Variants in CACNA2D1 observed in about 807,000 individuals in gnomAD.
The protein encoded by CACNA2D1 is voltage-dependent calcium channel subunit alpha-2/delta-1.
Under a neutral mutation model 171.5 loss-of-function variants are expected in CACNA2D1, and 53 were observed. The ratio of observed to expected loss-of-function variants is 0.31; its 90% CI spans 0.25 to 0.39. CACNA2D1 has a LOEUF of 0.39. Among genes scored for constraint, CACNA2D1 ranks in the 10% least tolerant of loss-of-function variants. The pLI, the probability that CACNA2D1 is intolerant of heterozygous loss-of-function variation, is 1.00. For missense variants in CACNA2D1, 903 were observed against 1,299.8 expected (o/e 0.69, Z 4.69); for synonymous variants, 442 against 443.1 (o/e 1.00, Z 0.03).
intron 4 of CACNA2D1, among the ~76,000 whole-genome samples, chr7:82,152,662 TA>T (rs1793983488): frequency 6.6e-6 from 1 of 151,972 alleles, no homozygotes; most frequent in Non-Finnish European, 1.5e-5. Context: ...GCTACATCAC[TA>T]AACACTAGCT....
chr7:82,434,159 T>C (rs901453565), intron 1 of CACNA2D1, among the ~76,000 whole-genome samples: 16 of 152,228 alleles, frequency 1.1e-4, no homozygotes, highest in African/African-American at 3.6e-4. Context: ...GAGATTATCA[T>C]GATAGCAGTC....
chr7:82,275,659 A>C (rs1026474216), intron 3 of CACNA2D1, among the ~76,000 whole-genome samples: 2 of 152,058 alleles, frequency 1.3e-5, no homozygotes, highest in Non-Finnish European at 1.5e-5. Context: ...CACAAGCAAC[A>C]CTTCATCCTG....
At chr7:82,154,779 C>G (rs1794209749) in intron 4 of CACNA2D1, among the ~76,000 whole-genome samples, 1 of 152,068 alleles carries the variant, frequency 6.6e-6, no homozygotes, top group Non-Finnish European at 1.5e-5. Flanking sequence ...TTTGTAGAGT[C>G]ATTTCTAGTA....
At chr7:82,400,564 T>C (rs1369078433) in intron 1 of CACNA2D1, among the ~76,000 whole-genome samples, 3 of 151,694 alleles carry the variant, frequency 2.0e-5, no homozygotes, top group Non-Finnish European at 4.4e-5. Flanking sequence ...TCAAGATGGA[T>C]TAAAGACTTA....
chr7:82,234,399 A>G (rs370130546), intron 3 of CACNA2D1, among the ~76,000 whole-genome samples: 3 of 152,132 alleles, frequency 2.0e-5, no homozygotes, highest in South Asian at 4.1e-4. Context: ...AAAATGTCAC[A>G]GAGGGTAGGG....
intron 16 of CACNA2D1, among the ~76,000 whole-genome samples, chr7:82,006,690 T>C (rs1799154791): frequency 6.6e-6 from 1 of 152,092 alleles, no homozygotes; most frequent in Non-Finnish European, 1.5e-5. Context: ...AGCAATCTCT[T>C]AGTTCACAGT....
intron 1 of CACNA2D1, among the ~76,000 whole-genome samples, chr7:82,419,908 G>C (rs1441980419): frequency 6.6e-6 from 1 of 152,144 alleles, no homozygotes; most frequent in East Asian, 1.9e-4. Context: ...ATGATATCTG[G>C]TGACATTTTT....
intron 4 of CACNA2D1, among the ~76,000 whole-genome samples, chr7:82,163,470 T>C (rs1264345168): frequency 6.6e-6 from 1 of 151,890 alleles, no homozygotes; most frequent in Admixed American, 6.6e-5. Context: ...GAGAAATACA[T>C]GGACAAGAAT....
At chr7:82,104,701 A>C (rs1233692412) in intron 6 of CACNA2D1, among the ~76,000 whole-genome samples, 1 of 152,076 alleles carries the variant, frequency 6.6e-6, no homozygotes, top group East Asian at 1.9e-4. Flanking sequence ...AAAGCAACCC[A>C]CAACATCCTT....
intron 31 of CACNA2D1, among the ~76,000 whole-genome samples, chr7:81,966,285 T>G (rs1794703448): frequency 6.6e-6 from 1 of 151,628 alleles, no homozygotes; most frequent in Admixed American, 6.6e-5. Flanking sequence ...AATATAATAA[T>G]TTGTATTGAA....
intron 25 of CACNA2D1, among the ~76,000 whole-genome samples, chr7:81,973,076 A>G (rs1182051494): frequency 1.3e-5 from 2 of 152,132 alleles, no homozygotes; most frequent in East Asian, 3.9e-4. Flanking sequence ...AATGATTCCA[A>G]TTTTCATGGT....
chr7:82,297,072 CAAAAAAAAAAAA>C (rs57473351), intron 3 of CACNA2D1, among the ~76,000 whole-genome samples: 4 of 72,258 alleles, frequency 5.5e-5, no homozygotes, highest in Non-Finnish European at 9.9e-5. Context: ...CTGTGTCTAC[CAAAAAAAAAAAA>C]AAAAAAAAAA....
intron 3 of CACNA2D1, among the ~76,000 whole-genome samples, chr7:82,303,681 G>A (rs991168419): frequency 1.3e-5 from 2 of 152,034 alleles, no homozygotes; most frequent in African/African-American, 4.8e-5. Flanking sequence ...AGTTGAAACT[G>A]GGCCCCTATC....
chr7:82,418,334 T>C (rs999218052), intron 1 of CACNA2D1, among the ~76,000 whole-genome samples: 1 of 152,088 alleles, frequency 6.6e-6, no homozygotes, highest in Non-Finnish European at 1.5e-5. Context: ...AAGATGAGAT[T>C]TGGGTGGGGA....
intron 3 of CACNA2D1, among the ~76,000 whole-genome samples, chr7:82,241,242 A>C (rs2129295392): frequency 6.6e-6 from 1 of 152,318 alleles, no homozygotes; most frequent in South Asian, 2.1e-4. Flanking sequence ...AAGATTTACT[A>C]ATAGTTTACA....
intron 3 of CACNA2D1, among the ~76,000 whole-genome samples, chr7:82,249,112 T>C (rs1805315353): frequency 7.1e-6 from 1 of 141,330 alleles, no homozygotes; most frequent in Non-Finnish European, 1.5e-5. Flanking sequence ...TGAGACTCCA[T>C]CTCAAAAAAA....
intron 7 of CACNA2D1, among the ~76,000 whole-genome samples, chr7:82,071,777 G>A (rs1273565704): frequency 6.6e-6 from 1 of 152,112 alleles, no homozygotes. Context: ...AGTTTCTCCT[G>A]TCATGATGTA....
intron 7 of CACNA2D1, among the ~76,000 whole-genome samples, chr7:82,067,902 T>C (rs1179767026): frequency 6.6e-6 from 1 of 152,164 alleles, no homozygotes; most frequent in Non-Finnish European, 1.5e-5. Context: ...TGATAATACA[T>C]TTCCTGCCAC....
chr7:82,110,076 T>C (rs1394817708), intron 6 of CACNA2D1, among the ~76,000 whole-genome samples: 1 of 152,208 alleles, frequency 6.6e-6, no homozygotes, highest in Non-Finnish European at 1.5e-5. Flanking sequence ...CTCCTGTTCT[T>C]ATACCTTTTA....
Sources: allele counts gnomAD v4.1 joint callset (sites outside exome capture counted in the v4.1 genomes callset), GRCh38; gene constraint gnomAD v4.1.1; transcripts MANE v1.5; gene names NCBI Gene and HGNC (gene_info 2026-07-23, HGNC 2026-07-21).